ZCCHC14: variants seen among roughly 807,000 people sequenced by gnomAD.
ZCCHC14 encodes the protein zinc finger CCHC domain-containing protein 14.
Under a neutral mutation model 85.0 loss-of-function variants are expected in ZCCHC14, and 16 were observed. That is an observed-to-expected ratio of 0.19 (90% CI 0.13 to 0.29). The LOEUF is 0.29. Ranked by LOEUF, ZCCHC14 falls within the 10% of genes least tolerant of loss-of-function variation. The pLI is 1.00. For synonymous variants in ZCCHC14, 775 were observed against 630.7 expected, an observed-to-expected ratio of 1.23 and a Z score of -3.43; for missense variants, 1,303 against 1,443.5, an observed-to-expected ratio of 0.90 and a Z score of 1.58.
intron 4 of ZCCHC14, among the ~76,000 whole-genome samples, chr16:87,423,041 T>A (rs1909186184): frequency 6.6e-6 from 1 of 152,202 alleles, no homozygotes; most frequent in Non-Finnish European, 1.5e-5. Context: ...GGCTTTATAA[T>A]GAAAAGTAAG....
chr16:87,450,754 C>G (rs1252371152), intron 2 of ZCCHC14, among the ~76,000 whole-genome samples: 2 of 151,908 alleles, frequency 1.3e-5, no homozygotes, highest in Non-Finnish European at 2.9e-5. Context: ...CGGATTTTCA[C>G]CATGTTGCCC....
At chr16:87,479,014 A>T (rs1399569642) in intron 1 of ZCCHC14, among the ~76,000 whole-genome samples, 1 of 152,184 alleles carries the variant, frequency 6.6e-6, no homozygotes, top group African/African-American at 2.4e-5. Context: ...TCTTCCCCAT[A>T]CACTAAATCT....
At chr16:87,450,800 C>A (rs1910661086) in intron 2 of ZCCHC14, among the ~76,000 whole-genome samples, 2 of 152,142 alleles carry the variant, frequency 1.3e-5, no homozygotes, top group South Asian at 4.1e-4. Context: ...AAGTGATCTG[C>A]CTGCCTTGGC....
At chr16:87,430,288 G>A (rs983407570) in intron 3 of ZCCHC14, among the ~76,000 whole-genome samples, 2 of 152,104 alleles carry the variant, frequency 1.3e-5, no homozygotes, top group Non-Finnish European at 2.9e-5. Flanking sequence ...GGTGTCTGCT[G>A]AAAAGCGCAT....
intron 1 of ZCCHC14, among the ~76,000 whole-genome samples, chr16:87,481,851 A>C (rs1250128120): frequency 6.6e-6 from 1 of 152,198 alleles, no homozygotes; most frequent in African/African-American, 2.4e-5. Flanking sequence ...ATTTATAAAG[A>C]AAAGAAATGT....
At chr16:87,411,104 C>T (rs771191361) in intron 12 of ZCCHC14, among the ~76,000 whole-genome samples, 86 of 152,224 alleles carry the variant, frequency 5.6e-4, no homozygotes, top group Non-Finnish European at 1.0e-3. Flanking sequence ...CACCCACAGC[C>T]GCGCCGGCAG....
intron 2 of ZCCHC14, among the ~76,000 whole-genome samples, chr16:87,434,859 C>T (rs1386674421): frequency 6.6e-6 from 1 of 151,932 alleles, no homozygotes; most frequent in Non-Finnish European, 1.5e-5. Flanking sequence ...GGTGTAGTGG[C>T]GGACACCTGT....
chr16:87,411,303 G>C, intron 12 of ZCCHC14: 1 of 1,415,980 alleles, frequency 7.1e-7, no homozygotes, highest in Non-Finnish European at 9.4e-7. Context: ...TCTAGAACCA[G>C]AGGCTGTCTG....
At chr16:87,490,833 A>G (rs773849667) in intron 1 of ZCCHC14, among the ~76,000 whole-genome samples, 2 of 152,226 alleles carry the variant, frequency 1.3e-5, no homozygotes, top group African/African-American at 2.4e-5. Flanking sequence ...ACATGCCCAC[A>G]TGCGACACAC....
At chr16:87,410,425 G>A in intron 12 of ZCCHC14, 90 bp from the exon 13 acceptor site, 1 of 609,590 alleles carries the variant, frequency 1.6e-6, no homozygotes, top group Non-Finnish European at 3.0e-6. Flanking sequence ...AGAGCCACTG[G>A]GCAAGATTCT....
chr16:87,456,093 A>C (rs1050416503), intron 2 of ZCCHC14, among the ~76,000 whole-genome samples: 2 of 152,154 alleles, frequency 1.3e-5, no homozygotes, highest in African/African-American at 4.8e-5. Flanking sequence ...TTTCAACTTT[A>C]CCGTGTGTTT....
intron 1 of ZCCHC14, among the ~76,000 whole-genome samples, chr16:87,482,222 C>G (rs1323647778): frequency 6.6e-6 from 1 of 152,218 alleles, no homozygotes; most frequent in Admixed American, 6.5e-5. Context: ...TCACTGGGAG[C>G]TGGAGGTCTG....
chr16:87,427,632 G>C (rs1336528866), intron 3 of ZCCHC14, among the ~76,000 whole-genome samples: 1 of 152,056 alleles, frequency 6.6e-6, no homozygotes, highest in Non-Finnish European at 1.5e-5. Flanking sequence ...TATTAGTATT[G>C]TTTTATCATT....
intron 2 of ZCCHC14, among the ~76,000 whole-genome samples, chr16:87,456,563 A>AAAAAAAG (rs1437054640): frequency 6.8e-6 from 1 of 146,038 alleles, no homozygotes; most frequent in Non-Finnish European, 1.5e-5. Context: ...AAAAAAAAAA[A>AAAAAAAG]TTTAGATTTT....
At chr16:87,421,666 G>A (rs994845319) in intron 4 of ZCCHC14, among the ~76,000 whole-genome samples, 33 of 152,104 alleles carry the variant, frequency 2.2e-4, no homozygotes, top group Admixed American at 3.9e-4. Flanking sequence ...CTGCAGGGAC[G>A]GCTGAAAGCT....
chr16:87,467,917 C>T (rs1911603003), intron 1 of ZCCHC14, among the ~76,000 whole-genome samples: 1 of 152,220 alleles, frequency 6.6e-6, no homozygotes, highest in African/African-American at 2.4e-5. Flanking sequence ...TCCCAAAGTG[C>T]TGGGATTACA....
At chr16:87,432,739 G>C (rs889907603) in intron 3 of ZCCHC14, among the ~76,000 whole-genome samples, 16 of 152,222 alleles carry the variant, frequency 1.1e-4, no homozygotes, top group African/African-American at 3.9e-4. Flanking sequence ...ATCTGAACGT[G>C]TCAGTTTAAG....
intron 2 of ZCCHC14, among the ~76,000 whole-genome samples, chr16:87,444,818 C>T (rs994178337): frequency 3.3e-5 from 5 of 152,128 alleles, no homozygotes; most frequent in Admixed American, 3.3e-4. Context: ...CGAACTTGAT[C>T]CTCTGGGTAT....
chr16:87,482,709 G>A lies in ZCCHC14; in HGVS notation c.570+8960C>T, dbSNP rs550873719. Reference sequence around the variant, plus strand: ...AACCCAAATAGATGTGGGAGTAAACGAGAGACAGCTCAGATCTGGGAGGGA... The same window carrying A: ...AACCCAAATAGATGTGGGAGTAAACAAGAGACAGCTCAGATCTGGGAGGGA... On this transcript the variant is annotated intron_variant, in intron 1 of 12. Transcript: ENST00000671377. Among the ~76,000 whole-genome samples the A allele has an allele frequency of 1.8e-4, 28 of 152,316 alleles. No homozygotes were observed. In the South Asian group the frequency reaches 3.3e-3, roughly 18 times the overall value.
Sources: gnomAD v4.1 joint callset for allele counts (sites outside exome capture counted in the v4.1 genomes callset) on GRCh38, gnomAD v4.1.1 for gene constraint, MANE v1.5 for transcripts, NCBI Gene and HGNC (gene_info 2026-07-23, HGNC 2026-07-21) for gene names.